DNAH9: variants seen among roughly 807,000 people sequenced by gnomAD.
DNAH9 encodes dynein axonemal heavy chain 9, also known as DNAH9 variant protein.
DNAH9 carries 345 observed loss-of-function variants against 471.6 expected under a neutral mutation model. The observed-to-expected ratio is 0.73, with a 90% CI of 0.67 to 0.80. The LOEUF (loss-of-function observed/expected upper bound fraction) is 0.80, where lower values mean the gene tolerates loss of function less well. Ranked by LOEUF, DNAH9 falls within the 30% of genes least tolerant of loss-of-function variation. The pLI is 0.00. For synonymous variants in DNAH9, 2,093 were observed against 2,123.6 expected, an observed-to-expected ratio of 0.99 and a Z score of 0.40; for missense variants, 5,407 against 5,609.2, an observed-to-expected ratio of 0.96 and a Z score of 1.15.
Position 11,598,733 on chromosome 17 carries a change from A to G in DNAH9, c.235A>G (p.Arg79Gly), listed in dbSNP as rs1014250149. ...GCTGCTGGTGGTGCGGCCCGGGCCC[A>G]GGGGCCTGGCAATACGCCCCGGGCT... ...RPLLVVRPGPRGLAIRPGLEV... is the reference protein window; with the variant it reads ...RPLLVVRPGPGGLAIRPGLEV... Residue 79 changes from arginine (R) to glycine (G), a missense_variant, in exon 1 of 69, where the codon AGG (arginine) becomes GGG (glycine). Physicochemically the swap from Arg to Gly is moderately radical, Grantham distance 125. Transcript: ENST00000262442. The G allele has an allele frequency of 1.9e-5, 27 of 1,399,174 alleles. No homozygotes were observed. In the African/African-American group the frequency reaches 3.1e-4, roughly 16 times the overall value. 86.7% of individuals were successfully genotyped at this position (1,399,174 alleles called of 1,614,324 possible).
chr17:11,887,910 C>A (rs1972927702), intron 57 of DNAH9, among the ~76,000 whole-genome samples: 1 of 152,106 alleles, frequency 6.6e-6, no homozygotes, highest in Admixed American at 6.5e-5. Context: ...GGCATTTAAT[C>A]ATTTCCCAAT....
intron 62 of DNAH9, among the ~76,000 whole-genome samples, chr17:11,928,636 G>T (rs1041060020): frequency 6.6e-5 from 10 of 152,226 alleles, no homozygotes; most frequent in African/African-American, 2.2e-4. Context: ...CAGGCTCAAA[G>T]ACCAGACAGA....
At chr17:11,800,316 A>G (rs1283136431) in intron 43 of DNAH9, among the ~76,000 whole-genome samples, 1 of 134,088 alleles carries the variant, frequency 7.5e-6, no homozygotes, top group Non-Finnish European at 1.6e-5. Context: ...CCTGGATCCC[A>G]CCTCCTCTCA....
intron 45 of DNAH9, among the ~76,000 whole-genome samples, chr17:11,811,317 TAA>T (rs1208867924): frequency 7.1e-6 from 1 of 140,892 alleles, no homozygotes. Flanking sequence ...CGTCTCAATT[TAA>T]AAAAAAAAAA....
At chr17:11,697,395 G>A (rs965982841) in intron 22 of DNAH9, among the ~76,000 whole-genome samples, 1 of 151,918 alleles carries the variant, frequency 6.6e-6, no homozygotes, top group Non-Finnish European at 1.5e-5. Context: ...GTCATCTGAG[G>A]CCTGCCTGCT....
At chr17:11,690,466 T>G in intron 20 of DNAH9, 30 bp downstream of exon 20, 3 of 1,594,208 alleles carry the variant, frequency 1.9e-6, no homozygotes, top group Non-Finnish European at 2.6e-6. Flanking sequence ...AGAATCTCTC[T>G]ATTCTCTGAT....
chr17:11,710,894 A>C (rs1429600012), intron 26 of DNAH9, among the ~76,000 whole-genome samples: 1 of 152,224 alleles, frequency 6.6e-6, no homozygotes, highest in African/African-American at 2.4e-5. Flanking sequence ...CTTATCTCAC[A>C]CATCTGGAAA....
At chr17:11,913,465 T>A (rs1973850069) in intron 61 of DNAH9, among the ~76,000 whole-genome samples, 1 of 152,136 alleles carries the variant, frequency 6.6e-6, no homozygotes, top group Non-Finnish European at 1.5e-5. Context: ...CTGTTGGGTA[T>A]GTTATAACTA....
chr17:11,611,198 T>G (rs1264442364), intron 3 of DNAH9, among the ~76,000 whole-genome samples: 1 of 152,204 alleles, frequency 6.6e-6, no homozygotes, highest in South Asian at 2.1e-4. Flanking sequence ...GAATGGAGAT[T>G]ATCGGTGTCA....
At position 11,892,025 on chromosome 17, in the gene DNAH9, C is replaced by G; in HGVS notation, c.11283+78C>G. 6.7e-7 allele frequency: 1 copy of G among 1,497,302 alleles called. No homozygotes were observed. 92.8% of individuals were successfully genotyped at this position (1,497,302 alleles called of 1,614,324 possible). On this transcript the variant is annotated intron_variant, in intron 58 of 68. Coordinates refer to ENST00000262442, the MANE Select transcript of DNAH9 (RefSeq NM_001372.4). The surrounding 1 kb of genome is among the most constrained non-coding windows in gnomAD (Gnocchi z 4.3). ...ACAGCAGGTGTTAAGAAACTTTCTT[C>G]TTTGAACATCACTTTCCACAGCATG...
intron 19 of DNAH9, among the ~76,000 whole-genome samples, chr17:11,687,501 C>G (rs2074260157): frequency 6.6e-6 from 1 of 152,104 alleles, no homozygotes; most frequent in African/African-American, 2.4e-5. Flanking sequence ...TCATTTTCTT[C>G]CTTTTTCACT....
intron 61 of DNAH9, among the ~76,000 whole-genome samples, chr17:11,906,682 C>T (rs1381319236): frequency 6.6e-6 from 1 of 151,122 alleles, no homozygotes; most frequent in Non-Finnish European, 1.5e-5. Flanking sequence ...GAATACTATG[C>T]AGCCATAAAA....
Position 11,744,803 on chromosome 17 carries a change from T to C in DNAH9, c.6118T>C (p.Tyr2040His). 6.2e-7 allele frequency: 1 copy of C among 1,611,934 alleles called. No individual in the cohort carries two copies. The highest frequency in any genetic ancestry group is 8.5e-7 in the Non-Finnish European group (1 of 1,178,536). Residue 2040 changes from tyrosine to histidine, a missense_variant, in exon 31 of 69, where the codon TAC (tyrosine) becomes CAC (histidine). Physicochemically the swap from Tyr to His is moderately conservative, Grantham distance 83. This residue lies in a region of DNAH9 where 4,636 missense variants were observed against 4,900.3 expected (regional missense o/e 0.95). Transcript: ENST00000262442. Reference sequence around the variant, plus strand: ...GATCTAACACTGCCCACAGGATCACTACGACTGGGGCCTACGGGCCATCAA... The same window carrying C: ...GATCTAACACTGCCCACAGGATCACCACGACTGGGGCCTACGGGCCATCAA... ...CKELLSKQDH[Y>H]DWGLRAIKSV...
intron 31 of DNAH9, among the ~76,000 whole-genome samples, chr17:11,745,439 T>C (rs1767162636): frequency 6.6e-6 from 1 of 152,104 alleles, no homozygotes; most frequent in Non-Finnish European, 1.5e-5. Context: ...CTATCCTGGA[T>C]AGAGACCAGC....
At chr17:11,920,582 T>C (rs62061972) in intron 61 of DNAH9, among the ~76,000 whole-genome samples, 2 of 146,548 alleles carry the variant, frequency 1.4e-5, no homozygotes, top group Non-Finnish European at 3.0e-5. Context: ...GATTGCGCCA[T>C]TGCACTCCAG....
chr17:11,621,610 T>C (rs549349649), intron 6 of DNAH9, among the ~76,000 whole-genome samples: 7 of 151,962 alleles, frequency 4.6e-5, no homozygotes, highest in African/African-American at 1.7e-4. Context: ...TGGTTCAGCA[T>C]CACCATGTGC....
intron 22 of DNAH9, among the ~76,000 whole-genome samples, chr17:11,697,191 T>C (rs1388876797): frequency 6.6e-6 from 1 of 152,208 alleles, no homozygotes; most frequent in African/African-American, 2.4e-5. Context: ...TCATTTCTTA[T>C]TTGAGTACAT....
At chr17:11,780,233 G>A (rs1359033258) in intron 38 of DNAH9, among the ~76,000 whole-genome samples, 2 of 152,214 alleles carry the variant, frequency 1.3e-5, no homozygotes, top group Non-Finnish European at 2.9e-5. Context: ...CTCAGATAGA[G>A]AGCCAGGAAA....
intron 61 of DNAH9, among the ~76,000 whole-genome samples, chr17:11,920,035 C>CTTTCTTTTTTT (rs1555621039): frequency 2.1e-4 from 28 of 135,940 alleles, no homozygotes; most frequent in South Asian, 4.8e-4. Flanking sequence ...TAAGTTCTTT[C>CTTTCTTTTTTT]TTTTTTTTTT....
Sources: gnomAD v4.1 joint callset for allele counts (sites outside exome capture counted in the v4.1 genomes callset) on GRCh38, gnomAD v4.1.1 for gene constraint, gnomAD v4.1.1 regional missense constraint, Gnocchi (gnomAD v3.1) non-coding constraint, MANE v1.5 for transcripts, NCBI Gene and HGNC (gene_info 2026-07-23, HGNC 2026-07-21) for gene names.